The following RIC8B variants were observed in gnomAD, a reference collection of about 807,000 sequenced individuals.
The protein encoded by RIC8B is chaperone Ric-8B.
Under a neutral mutation model 57.5 loss-of-function variants are expected in RIC8B, and 16 were observed. The ratio of observed to expected loss-of-function variants is 0.28; its 90% CI spans 0.19 to 0.42. The LOEUF (loss-of-function observed/expected upper bound fraction) is 0.42, where lower values mean the gene tolerates loss of function less well. Among genes scored for constraint, RIC8B ranks in the 10% least tolerant of loss-of-function variants. The pLI is 1.00. For missense variants in RIC8B, 481 were observed against 677.0 expected, an observed-to-expected ratio of 0.71 and a Z score of 3.21; for synonymous variants, 216 against 250.8, an observed-to-expected ratio of 0.86 and a Z score of 1.31.
chr12:106,782,975 A>C (rs2043835322), intron 1 of RIC8B, among the ~76,000 whole-genome samples: 1 of 152,202 alleles, frequency 6.6e-6, no homozygotes, highest in Admixed American at 6.5e-5. Flanking sequence ...GGTTCTCCTG[A>C]ATAAAACTTC....
intron 3 of RIC8B, among the ~76,000 whole-genome samples, chr12:106,825,245 A>C (rs1384072243): frequency 2.0e-5 from 3 of 152,174 alleles, no homozygotes; most frequent in African/African-American, 4.8e-5. Context: ...GTATTTCATT[A>C]CTTGCTGGTA....
At chr12:106,785,831 G>C (rs1285699489) in intron 2 of RIC8B, among the ~76,000 whole-genome samples, 9 of 98,132 alleles carry the variant, frequency 9.2e-5, no homozygotes, top group East Asian at 3.0e-4. Context: ...GTGTGTGTGT[G>C]TGTGTGTGTG....
chr12:106,805,439 G>A (rs992532077), intron 2 of RIC8B, among the ~76,000 whole-genome samples: 1 of 152,096 alleles, frequency 6.6e-6, no homozygotes, highest in African/African-American at 2.4e-5. Flanking sequence ...CAAGGCTGCA[G>A]TAAGTCATAA....
intron 2 of RIC8B, among the ~76,000 whole-genome samples, chr12:106,800,181 A>G (rs1047458217): frequency 2.0e-5 from 3 of 152,216 alleles, no homozygotes; most frequent in Non-Finnish European, 4.4e-5. Context: ...TTACTCTGCT[A>G]TAAAGAAATA....
At chr12:106,875,883 A>G (rs2136634940) in intron 9 of RIC8B, among the ~76,000 whole-genome samples, 1 of 152,276 alleles carries the variant, frequency 6.6e-6, no homozygotes, top group South Asian at 2.1e-4. Context: ...TAATCAAAAG[A>G]TTAATTTTAA....
At chr12:106,871,567 A>C (rs1950433029) in intron 9 of RIC8B, 1 of 151,802 alleles carries the variant, frequency 6.6e-6, no homozygotes, top group Non-Finnish European at 1.5e-5. Context: ...TTTTGAAATA[A>C]TTAAATCAAG....
At chr12:106,777,201 A>T (rs985204389) in intron 1 of RIC8B, among the ~76,000 whole-genome samples, 1 of 152,210 alleles carries the variant, frequency 6.6e-6, no homozygotes, top group Non-Finnish European at 1.5e-5. Context: ...TAGTAGGGCC[A>T]GTATAGTAGG....
chr12:106,860,191 TC>T, intron 7 of RIC8B, 76 bp from the exon 8 acceptor site: 1 of 1,251,174 alleles, frequency 8.0e-7, no homozygotes, highest in Non-Finnish European at 1.1e-6. Context: ...TCTTCAATCT[TC>T]TTGTGTTGGT....
chr12:106,856,747 C>A (rs1949730326), intron 7 of RIC8B, among the ~76,000 whole-genome samples: 1 of 152,174 alleles, frequency 6.6e-6, no homozygotes, highest in South Asian at 2.1e-4. Context: ...ATCTTTGGAT[C>A]CCCAGTGCTT....
chr12:106,844,031 T>C, intron 6 of RIC8B, 84 bp downstream of exon 6: 1 of 972,292 alleles, frequency 1.0e-6, no homozygotes, highest in East Asian at 2.5e-5. Context: ...TTTCTCACAA[T>C]GATTTTGTTT....
chr12:106,849,466 T>TAA (rs550935865), intron 6 of RIC8B, among the ~76,000 whole-genome samples: 1 of 140,062 alleles, frequency 7.1e-6, no homozygotes, highest in Non-Finnish European at 1.6e-5. Flanking sequence ...AATTAAAAAT[T>TAA]AAAAAAAAAA....
At chr12:106,817,485 C>T (rs987005575) in intron 3 of RIC8B, among the ~76,000 whole-genome samples, 5 of 152,012 alleles carry the variant, frequency 3.3e-5, no homozygotes, top group Admixed American at 2.0e-4. Flanking sequence ...GAGACCAAAA[C>T]ATAGAGTACT....
intron 6 of RIC8B, among the ~76,000 whole-genome samples, chr12:106,845,969 GAGA>G (rs1202352340): frequency 6.6e-6 from 1 of 152,090 alleles, no homozygotes; most frequent in African/African-American, 2.4e-5. Context: ...GGACACAATA[GAGA>G]ACCTCTTTGT....
In RIC8B at chr12:106,853,453, C is replaced by CTTTTTTTTTTTTTTTTTTTTTTTTTT. The variant is rs758876525; in HGVS notation, c.1306+1867_1306+1892dup. ...GACCTCAACAATTCTGCTTTATAGT[C>CTTTTTTTTTTTTTTTTTTTTTTTTTT]TTTTTTTTTTTTTTTTTTTTTTTTT... On this transcript the variant is annotated intron_variant, in intron 7 of 9. Coordinates refer to ENST00000392837, the MANE Select transcript of RIC8B (RefSeq NM_001330145.2). Among the ~76,000 whole-genome samples, 37 of 38,036 alleles carry CTTTTTTTTTTTTTTTTTTTTTTTTTT rather than the reference C, an allele frequency of 9.7e-4. 14 individuals are homozygous for CTTTTTTTTTTTTTTTTTTTTTTTTTT. Among genetic ancestry groups the CTTTTTTTTTTTTTTTTTTTTTTTTTT allele is most frequent in the East Asian group, 2.4e-3 (2 of 834 alleles). The allele number at this position is 38,036 out of a possible 152,430, so 25.0% of individuals were successfully genotyped here.
chr12:106,830,367 A>G (rs1181205232), intron 4 of RIC8B, among the ~76,000 whole-genome samples: 1 of 152,230 alleles, frequency 6.6e-6, no homozygotes, highest in East Asian at 1.9e-4. Flanking sequence ...AAGCACTACT[A>G]TGTGTTAGGC....
rs982061144 is a variant in RIC8B at position 106,889,006 on chromosome 12, G to C, written c.*2991G>C. On this transcript the variant is annotated 3_prime_UTR_variant, in exon 10 of 10. Coordinates refer to ENST00000392837, the MANE Select transcript of RIC8B (RefSeq NM_001330145.2). ...TAAACACCCCCTTAGTGCCACATCA[G>C]TCTCGCCACCTCCCAGGACTAGGTG... 1 of 152,106 alleles carries C rather than the reference G, an allele frequency of 6.6e-6. No individual in the cohort carries two copies. The highest frequency in any genetic ancestry group is 2.4e-5 in the African/African-American group (1 of 41,404). 9.4% of individuals were successfully genotyped at this position (152,106 alleles called of 1,614,324 possible).
At chr12:106,808,152 T>C (rs984410260) in intron 2 of RIC8B, among the ~76,000 whole-genome samples, 3 of 150,728 alleles carry the variant, frequency 2.0e-5, no homozygotes, top group Admixed American at 6.6e-5. Flanking sequence ...AAAATACAAA[T>C]AAAAAATACA....
At chr12:106,854,819 AG>A (rs890019203) in intron 7 of RIC8B, among the ~76,000 whole-genome samples, 16 of 152,076 alleles carry the variant, frequency 1.1e-4, no homozygotes, top group African/African-American at 3.6e-4. Flanking sequence ...TAAGAGAGAA[AG>A]GACAAAATTT....
At chr12:106,869,175 A>T in intron 8 of RIC8B, among the ~76,000 whole-genome samples, 1 of 152,118 alleles carries the variant, frequency 6.6e-6, no homozygotes, top group Admixed American at 6.6e-5. Context: ...TTACGCAAGA[A>T]TGGCAAGATA....
Sources: allele counts gnomAD v4.1 joint callset (sites outside exome capture counted in the v4.1 genomes callset), GRCh38; gene constraint gnomAD v4.1.1; transcripts MANE v1.5; gene names NCBI Gene and HGNC (gene_info 2026-07-23, HGNC 2026-07-21).